Variants in ATP6V0E1 observed in about 807,000 individuals in gnomAD.
ATP6V0E1 encodes the protein ATPase H+ transporting V0 subunit e1.
ATP6V0E1 carries 4 observed loss-of-function variants against 11.6 expected under a neutral mutation model. That is an observed-to-expected ratio of 0.35 (90% confidence interval 0.17 to 0.79). The LOEUF (loss-of-function observed/expected upper bound fraction) is 0.79. ATP6V0E1 is among the 30% of genes least tolerant of loss of function. ATP6V0E1 has a pLI of 0.54. For missense variants in ATP6V0E1, 105 were observed against 100.0 expected (o/e 1.05, Z -0.21); for synonymous variants, 36 against 34.8 (o/e 1.04, Z -0.13).
intron 1 of ATP6V0E1, among the ~76,000 whole-genome samples, chr5:172,989,304 A>G (rs1159386848): frequency 6.6e-6 from 1 of 152,144 alleles, no homozygotes; most frequent in Non-Finnish European, 1.5e-5. Flanking sequence ...ATGCCACTGC[A>G]TTCTAGCCTA....
At chr5:173,022,620 C>T (rs1023312260) in intron 3 of ATP6V0E1, among the ~76,000 whole-genome samples, 2 of 152,054 alleles carry the variant, frequency 1.3e-5, no homozygotes, top group Non-Finnish European at 2.9e-5. Context: ...GCTGGAATTA[C>T]AGTCATGAGC....
intron 1 of ATP6V0E1, chr5:172,987,229 GAT>G (rs1755910118): frequency 5.9e-6 from 1 of 169,388 alleles, no homozygotes; most frequent in Non-Finnish European, 1.3e-5. Flanking sequence ...TGAGGTGATC[GAT>G]GGTGACCCTT....
At chr5:173,032,343 A>G (rs984665842) in intron 3 of ATP6V0E1, among the ~76,000 whole-genome samples, 7 of 150,908 alleles carry the variant, frequency 4.6e-5, no homozygotes, top group African/African-American at 1.7e-4. Flanking sequence ...GCTGGAGTCC[A>G]ATGGTGTGAT....
intron 3 of ATP6V0E1, among the ~76,000 whole-genome samples, chr5:173,021,588 G>A (rs906802805): frequency 6.6e-6 from 1 of 152,046 alleles, no homozygotes; most frequent in African/African-American, 2.4e-5. Flanking sequence ...TGAGATTTGG[G>A]TGGGGACACA....
intron 2 of ATP6V0E1, among the ~76,000 whole-genome samples, chr5:173,010,466 A>T (rs73803700): frequency 0.022 from 3,287 of 152,270 alleles, 119 homozygotes; most frequent in African/African-American, 0.074. Context: ...ACAACAGGAG[A>T]CAGTGGGCTT....
chr5:173,027,072 G>A (rs1378224118), intron 3 of ATP6V0E1, among the ~76,000 whole-genome samples: 3 of 151,108 alleles, frequency 2.0e-5, no homozygotes, highest in Admixed American at 6.6e-5. Context: ...CCAGCTACTC[G>A]GGAGGCTGGG....
intron 1 of ATP6V0E1, among the ~76,000 whole-genome samples, chr5:172,990,813 C>T (rs1238450977): frequency 1.4e-5 from 2 of 147,568 alleles, no homozygotes; most frequent in African/African-American, 5.0e-5. Context: ...GACGACAGAG[C>T]GATACTCTGT....
chr5:173,024,004 G>A (rs1039154022), intron 3 of ATP6V0E1, among the ~76,000 whole-genome samples: 2 of 151,816 alleles, frequency 1.3e-5, no homozygotes, highest in African/African-American at 4.8e-5. Flanking sequence ...AGACCATCAT[G>A]GCTAACACGG....
At chr5:173,033,950 G>A (rs955149215) in intron 3 of ATP6V0E1, among the ~76,000 whole-genome samples, 2 of 152,304 alleles carry the variant, frequency 1.3e-5, no homozygotes, top group South Asian at 2.1e-4. Context: ...TAGCCAGAAC[G>A]GGGAGCAAGC....
Position 172,983,960 on chromosome 5 carries a change from CG to C in ATP6V0E1, c.104+1del, listed in dbSNP as rs1276373408. On this transcript the variant is annotated frameshift_variant, in exon 1 of 4. Transcript: ENST00000519374. LOFTEE classifies it high-confidence loss of function. ...VPWFIPKGPN[R>X]GVIITMLVTC... is the part of the protein sequence containing the mutation. ...TTGGTTCATCCCTAAGGGTCCTAAC[CG>C]GGGGTAAGTGCGTGAGGCCCGCCTT... 15 of 1,612,474 alleles carry C rather than the reference CG, an allele frequency of 9.3e-6. No individual in the cohort carries two copies. The highest frequency in any genetic ancestry group is 1.7e-5 in the Admixed American group (1 of 60,014).
intron 1 of ATP6V0E1, among the ~76,000 whole-genome samples, chr5:172,990,949 T>TTTTTG (rs201446086): frequency 1.3e-4 from 20 of 152,038 alleles, no homozygotes; most frequent in South Asian, 1.0e-3. Flanking sequence ...CATACCTGTT[T>TTTTTG]TTTTGTTTTG....
At chr5:173,008,740 T>C (rs1756266375) in intron 2 of ATP6V0E1, among the ~76,000 whole-genome samples, 1 of 148,554 alleles carries the variant, frequency 6.7e-6, no homozygotes, top group Non-Finnish European at 1.5e-5. Context: ...AAACCCCATC[T>C]CTACTAAAAA....
chr5:173,003,141 A>C (rs1166750123), intron 2 of ATP6V0E1, among the ~76,000 whole-genome samples: 1 of 151,984 alleles, frequency 6.6e-6, no homozygotes. Flanking sequence ...GTGGGATTTT[A>C]TGCTGTGCAG....
intron 3 of ATP6V0E1, among the ~76,000 whole-genome samples, chr5:173,026,978 CATCCTGGCTA>C (rs1756569612): frequency 6.6e-6 from 1 of 151,204 alleles, no homozygotes. Context: ...AGATCGAGAC[CATCCTGGCTA>C]ACGCAGTGAA....
chr5:172,989,926 C>T (rs1247841392), intron 1 of ATP6V0E1, among the ~76,000 whole-genome samples: 1 of 152,176 alleles, frequency 6.6e-6, no homozygotes, highest in Non-Finnish European at 1.5e-5. Flanking sequence ...GCAGCCTCAA[C>T]CTGGGCTCAC....
At chr5:172,993,090 G>A (rs759535711) in intron 1 of ATP6V0E1, among the ~76,000 whole-genome samples, 5 of 152,130 alleles carry the variant, frequency 3.3e-5, no homozygotes, top group Non-Finnish European at 7.4e-5. Context: ...GAGCCACCAC[G>A]CCCGGCCACA....
intron 2 of ATP6V0E1, among the ~76,000 whole-genome samples, chr5:173,012,492 C>T (rs1237829441): frequency 2.0e-5 from 3 of 152,010 alleles, no homozygotes; most frequent in Non-Finnish European, 4.4e-5. Context: ...GTGGCTCACG[C>T]CTTTAATCCC....
rs545304730 is a variant in ATP6V0E1, at chr5:173,009,545, A to G, written c.153-10693A>G. 3.4e-5 allele frequency among the ~76,000 whole-genome samples: 5 copies of G among 149,200 alleles called. No homozygotes were observed. The South Asian group carries it at 8.5e-4, about 25-fold the overall frequency. ...AGTGGTGCAATCTTGGCTCACTGCA[A>G]CCTCTGCCTCCCATGTTCAAGTGAT... On this transcript the variant is annotated intron_variant, in intron 2 of 3. Coordinates refer to ENST00000519374, the MANE Select transcript of ATP6V0E1 (RefSeq NM_003945.4).
intron 3 of ATP6V0E1, among the ~76,000 whole-genome samples, chr5:173,031,775 C>T (rs895647545): frequency 6.7e-6 from 1 of 149,090 alleles, no homozygotes; most frequent in Non-Finnish European, 1.5e-5. Flanking sequence ...GTGGAGATCG[C>T]GCCACTGCAC....
Sources: allele counts gnomAD v4.1 joint callset (sites outside exome capture counted in the v4.1 genomes callset), GRCh38; gene constraint gnomAD v4.1.1; transcripts MANE v1.5; gene names NCBI Gene and HGNC (gene_info 2026-07-23, HGNC 2026-07-21).